SUCLG2: variants seen among roughly 807,000 people sequenced by gnomAD.
SUCLG2 encodes succinate--CoA ligase [GDP-forming] subunit beta, mitochondrial.
SUCLG2 carries 42 observed loss-of-function variants against 47.9 expected under a neutral mutation model. That is an observed-to-expected ratio of 0.88 (90% CI 0.69 to 1.14). The LOEUF is 1.14. SUCLG2 is among the 50% of genes most tolerant of loss of function. SUCLG2 has a pLI of 0.00. For missense variants in SUCLG2, 571 were observed against 525.9 expected (o/e 1.09, Z -0.84); for synonymous variants, 195 against 197.3 (o/e 0.99, Z 0.10).
intron 9 of SUCLG2, among the ~76,000 whole-genome samples, chr3:67,438,823 TA>T (rs1361859279): frequency 6.6e-6 from 1 of 152,184 alleles, no homozygotes; most frequent in African/African-American, 2.4e-5. Flanking sequence ...GAGGAGCTGG[TA>T]CCATTCCTTC....
Position 67,654,525 on chromosome 3 carries a change from C to G in SUCLG2, c.62G>C (p.Arg21Pro). Residue 21 changes from arginine to proline, a missense_variant, in exon 1 of 11, where the codon CGC (arginine) becomes CCC (proline). By Grantham distance (103) the Arg-to-Pro change is moderately radical (BLOSUM62 -2). Coordinates refer to ENST00000307227, the MANE Select transcript of SUCLG2 (RefSeq NM_003848.4). ...KLLRALALRP[R>P]FLAAGSQAVQ... is the part of the protein sequence containing the mutation. ...CACCTGGGACCCGGCCGCCAGGAAGCGGGGCCGCAGCGCTAGGGCTCGCAG... is the reference window on the plus strand; with the variant it reads ...CACCTGGGACCCGGCCGCCAGGAAGGGGGGCCGCAGCGCTAGGGCTCGCAG... 1 of 1,251,776 alleles carries G rather than the reference C, an allele frequency of 8.0e-7. No homozygotes were observed. The highest frequency in any genetic ancestry group is 1.0e-6 in the Non-Finnish European group (1 of 996,418). 77.5% of individuals were successfully genotyped at this position (1,251,776 alleles called of 1,614,324 possible).
chr3:67,505,425 T>C (rs1705609397), intron 7 of SUCLG2, among the ~76,000 whole-genome samples: 1 of 152,234 alleles, frequency 6.6e-6, no homozygotes, highest in African/African-American at 2.4e-5. Flanking sequence ...TTGCAGTTAG[T>C]AGTGTCAAAT....
chr3:67,361,831 A>G (rs1701807236), intron 10 of SUCLG2, among the ~76,000 whole-genome samples: 1 of 152,142 alleles, frequency 6.6e-6, no homozygotes, highest in East Asian at 1.9e-4. Context: ...ATACTAACAG[A>G]TGTCTAGAAA....
intron 9 of SUCLG2, among the ~76,000 whole-genome samples, chr3:67,437,051 C>T (rs1353069853): frequency 6.6e-6 from 1 of 152,000 alleles, no homozygotes; most frequent in South Asian, 2.1e-4. Context: ...CACTTAAACA[C>T]ATTGAGTATT....
intron 9 of SUCLG2, among the ~76,000 whole-genome samples, chr3:67,450,820 T>C (rs1704039349): frequency 6.6e-6 from 1 of 152,222 alleles, no homozygotes; most frequent in Non-Finnish European, 1.5e-5. Context: ...ATCTGGCCCA[T>C]GGCTATCTTT....
At chr3:67,548,492 A>C (rs1447894646) in intron 2 of SUCLG2, among the ~76,000 whole-genome samples, 1 of 151,944 alleles carries the variant, frequency 6.6e-6, no homozygotes, top group African/African-American at 2.4e-5. Context: ...CAGTTATTAG[A>C]GTTTAAAAAT....
chr3:67,374,045 A>C (rs552116691), downstream of SUCLG2, among the ~76,000 whole-genome samples: 2 of 152,338 alleles, frequency 1.3e-5, no homozygotes, highest in South Asian at 4.1e-4. Context: ...AATATTTACA[A>C]GTGATTCAAA....
intron 2 of SUCLG2, among the ~76,000 whole-genome samples, chr3:67,578,341 A>G (rs1202180172): frequency 2.7e-5 from 4 of 150,502 alleles, no homozygotes; most frequent in African/African-American, 4.9e-5. Context: ...TATATCCAAG[A>G]GGTAAAGAAA....
At chr3:67,524,581 T>A (rs1002803798) in intron 4 of SUCLG2, among the ~76,000 whole-genome samples, 8 of 152,154 alleles carry the variant, frequency 5.3e-5, no homozygotes, top group Non-Finnish European at 1.0e-4. Context: ...CTGATGTGTA[T>A]AAATGTGTGT....
At chr3:67,448,071 A>C (rs2106929699) in intron 9 of SUCLG2, among the ~76,000 whole-genome samples, 1 of 152,312 alleles carries the variant, frequency 6.6e-6, no homozygotes, top group Non-Finnish European at 1.5e-5. Context: ...TAAAATATTA[A>C]TATGTTGCTT....
Position 67,562,061 on chromosome 3 carries a change from G to A in SUCLG2, c.227-32875C>T, listed in dbSNP as rs1707322617. Reference sequence around the variant, plus strand: ...ACTCCCTTCTGCATTTTTGATGGGGGAAATGGGAACAGGTCAGTGAGAGGA... The same window carrying A: ...ACTCCCTTCTGCATTTTTGATGGGGAAAATGGGAACAGGTCAGTGAGAGGA... On this transcript the variant is annotated intron_variant, in intron 2 of 10. Transcript: ENST00000307227. Among the ~76,000 whole-genome samples the A allele has an allele frequency of 1.3e-5, 2 of 152,192 alleles. 1 individual carries two copies. The highest frequency in any genetic ancestry group is 2.9e-5 in the Non-Finnish European group (2 of 68,012).
At chr3:67,568,306 G>C (rs753345989) in intron 2 of SUCLG2, among the ~76,000 whole-genome samples, 3 of 152,142 alleles carry the variant, frequency 2.0e-5, no homozygotes, top group Non-Finnish European at 4.4e-5. Context: ...ACACTGAAGG[G>C]AAAGCATCGA....
At chr3:67,430,740 A>G (rs1366552233) in intron 9 of SUCLG2, among the ~76,000 whole-genome samples, 1 of 152,212 alleles carries the variant, frequency 6.6e-6, no homozygotes, top group Non-Finnish European at 1.5e-5. Flanking sequence ...GAAAAATCAA[A>G]TAGATGCAAT....
At chr3:67,362,998 G>A (rs992485596) in intron 10 of SUCLG2, among the ~76,000 whole-genome samples, 1 of 152,120 alleles carries the variant, frequency 6.6e-6, no homozygotes, top group Non-Finnish European at 1.5e-5. Context: ...TCCTTTCCCT[G>A]CACTAATCTA....
intron 7 of SUCLG2, among the ~76,000 whole-genome samples, chr3:67,501,247 G>T (rs949324890): frequency 6.6e-6 from 1 of 152,136 alleles, no homozygotes; most frequent in East Asian, 1.9e-4. Context: ...TAAGAAAGGG[G>T]ATTCAAATTG....
chr3:67,418,780 T>A (rs920826808), intron 9 of SUCLG2, among the ~76,000 whole-genome samples: 1 of 152,150 alleles, frequency 6.6e-6, no homozygotes, highest in Admixed American at 6.6e-5. Context: ...TCTGCCTCTG[T>A]AGAGGTGGGG....
chr3:67,496,630 C>T (rs1705347506), intron 8 of SUCLG2, among the ~76,000 whole-genome samples: 1 of 152,178 alleles, frequency 6.6e-6, no homozygotes, highest in Non-Finnish European at 1.5e-5. Context: ...AGCAACCCAA[C>T]CGTTAAAACT....
At chr3:67,608,764 A>G (rs545702489) in intron 2 of SUCLG2, among the ~76,000 whole-genome samples, 1 of 152,026 alleles carries the variant, frequency 6.6e-6, no homozygotes, top group Admixed American at 6.6e-5. Flanking sequence ...TGCAATCTCA[A>G]ACTCGTGGGC....
intron 1 of SUCLG2, among the ~76,000 whole-genome samples, chr3:67,616,827 T>C (rs1171593634): frequency 6.6e-6 from 1 of 152,198 alleles, no homozygotes; most frequent in African/African-American, 2.4e-5. Context: ...ACTCCTGCTG[T>C]TAGATATGAA....
Sources: allele counts gnomAD v4.1 joint callset (sites outside exome capture counted in the v4.1 genomes callset), GRCh38; gene constraint gnomAD v4.1.1; transcripts MANE v1.5; gene names NCBI Gene and HGNC (gene_info 2026-07-23, HGNC 2026-07-21).